The following SPAG16 variants were observed in gnomAD, a reference collection of about 807,000 sequenced individuals.
The protein encoded by SPAG16 is sperm associated antigen 16.
A neutral mutation model predicts 80.4 loss-of-function variants in SPAG16; 86 were observed. That is an observed-to-expected ratio of 1.07 (90% CI 0.90 to 1.28). The LOEUF (loss-of-function observed/expected upper bound fraction) is 1.28, where lower values mean the gene tolerates loss of function less well. SPAG16 is among the 50% of genes most tolerant of loss of function. SPAG16 has a pLI of 0.00. For synonymous variants in SPAG16, 294 were observed against 265.9 expected (o/e 1.11, Z -1.03); for missense variants, 870 against 765.3 (o/e 1.14, Z -1.61).
chr2:213,701,990 A>G (rs2065450608), intron 10 of SPAG16, among the ~76,000 whole-genome samples: 1 of 152,194 alleles, frequency 6.6e-6, no homozygotes, highest in African/African-American at 2.4e-5. Context: ...TAAATGCACC[A>G]ATCAGCACTT....
At chr2:214,336,627 T>C (rs986029325) in intron 15 of SPAG16, among the ~76,000 whole-genome samples, 5 of 152,042 alleles carry the variant, frequency 3.3e-5, no homozygotes, top group Non-Finnish European at 1.5e-5. Flanking sequence ...TTAAAGATGA[T>C]ATAAATGTAG....
chr2:213,967,568 A>G (rs1302755468), intron 12 of SPAG16, among the ~76,000 whole-genome samples: 1 of 152,206 alleles, frequency 6.6e-6, no homozygotes, highest in Admixed American at 6.5e-5. Context: ...TAAAGAGCTC[A>G]ATACAGAAAA....
chr2:213,437,700 A>G (rs2070724881), intron 9 of SPAG16, among the ~76,000 whole-genome samples: 3 of 152,072 alleles, frequency 2.0e-5, no homozygotes, highest in African/African-American at 7.2e-5. Context: ...TTTTAAAAAC[A>G]TACTCAGAGA....
chr2:213,468,712 G>GTA (rs1325448686), intron 9 of SPAG16, among the ~76,000 whole-genome samples: 3 of 147,604 alleles, frequency 2.0e-5, no homozygotes, highest in African/African-American at 2.5e-5. Flanking sequence ...ATATATCTGT[G>GTA]TATATATATG....
intron 10 of SPAG16, among the ~76,000 whole-genome samples, chr2:213,851,000 C>G (rs1004735415): frequency 1.3e-5 from 2 of 151,938 alleles, no homozygotes; most frequent in Non-Finnish European, 2.9e-5. Context: ...AATTTAATCA[C>G]AGTTAGCTAA....
chr2:213,702,510 G>A (rs575905254), intron 10 of SPAG16, among the ~76,000 whole-genome samples: 43 of 152,166 alleles, frequency 2.8e-4, no homozygotes, highest in Non-Finnish European at 6.0e-4. Flanking sequence ...CCATCTTTAA[G>A]AACTGTAACG....
At chr2:213,387,507 TGCAGTGGC>T in intron 9 of SPAG16, among the ~76,000 whole-genome samples, 1 of 7,910 alleles carries the variant, frequency 1.3e-4, no homozygotes, top group African/African-American at 2.5e-4. Context: ...CAGTGTGGAG[TGCAGTGGC>T]GGGATCTCGG....
chr2:214,242,553 C>T lies in SPAG16; in HGVS notation c.1720+93287C>T, dbSNP rs116182228. ...CAGTAAGAAGTCTCTCAACTCTAGT[C>T]ATTGAATCTACCAAAATATTTTGTT... On this transcript the variant is annotated intron_variant, in intron 15 of 15. Coordinates refer to ENST00000331683, the MANE Select transcript of SPAG16 (RefSeq NM_024532.5). Among the ~76,000 whole-genome samples the T allele has an allele frequency of 5.0e-3, 755 of 152,126 alleles. 5 individuals carry two copies. Among genetic ancestry groups the T allele is most frequent in the African/African-American group, 0.017 (714 of 41,482 alleles).
chr2:214,044,881 T>C (rs900576916), intron 13 of SPAG16, among the ~76,000 whole-genome samples: 1 of 152,098 alleles, frequency 6.6e-6, no homozygotes, highest in Admixed American at 6.6e-5. Flanking sequence ...ATCCCAGTGG[T>C]TGGAATTTGA....
At chr2:214,150,881 T>C (rs1459452255) in intron 15 of SPAG16, among the ~76,000 whole-genome samples, 1 of 152,176 alleles carries the variant, frequency 6.6e-6, no homozygotes, top group Non-Finnish European at 1.5e-5. Context: ...TACAGGTCAG[T>C]GTGATTTTAA....
At chr2:213,411,632 A>G (rs933932546) in intron 9 of SPAG16, among the ~76,000 whole-genome samples, 12 of 152,252 alleles carry the variant, frequency 7.9e-5, no homozygotes, top group Admixed American at 1.3e-4. Flanking sequence ...GTTAGCCGGT[A>G]ACTCAGGGGT....
intron 15 of SPAG16, among the ~76,000 whole-genome samples, chr2:214,333,937 T>C (rs572777049): frequency 1.4e-4 from 21 of 152,344 alleles, no homozygotes; most frequent in African/African-American, 5.1e-4. Flanking sequence ...TTTTACTCAG[T>C]CTTCCAAGAA....
chr2:214,255,493 A>G (rs1690614019), intron 15 of SPAG16, among the ~76,000 whole-genome samples: 1 of 151,980 alleles, frequency 6.6e-6, no homozygotes, highest in Non-Finnish European at 1.5e-5. Flanking sequence ...TTATGTTTTG[A>G]TGCATTTAAA....
intron 15 of SPAG16, among the ~76,000 whole-genome samples, chr2:214,306,849 T>C (rs1694951779): frequency 6.6e-6 from 1 of 152,102 alleles, no homozygotes; most frequent in African/African-American, 2.4e-5. Context: ...TGTTTTGTTT[T>C]TGTTATTGTA....
At chr2:214,234,719 C>G (rs1688957956) in intron 15 of SPAG16, among the ~76,000 whole-genome samples, 1 of 152,070 alleles carries the variant, frequency 6.6e-6, no homozygotes, top group Non-Finnish European at 1.5e-5. Context: ...CCTTTGCCCA[C>G]TTTTGAATGG....
intron 10 of SPAG16, among the ~76,000 whole-genome samples, chr2:213,708,840 A>G (rs1349529652): frequency 6.6e-6 from 1 of 152,172 alleles, no homozygotes; most frequent in African/African-American, 2.4e-5. Context: ...GTTAAATGGC[A>G]AGTGAGTGGA....
intron 12 of SPAG16, among the ~76,000 whole-genome samples, chr2:214,013,731 A>G (rs989283424): frequency 1.3e-5 from 2 of 152,232 alleles, no homozygotes; most frequent in African/African-American, 2.4e-5. Flanking sequence ...AAGTGATTCC[A>G]TAAATTGAAG....
chr2:214,151,987 C>T (rs573004971), intron 15 of SPAG16, among the ~76,000 whole-genome samples: 46 of 152,168 alleles, frequency 3.0e-4, no homozygotes, highest in African/African-American at 7.9e-4. Flanking sequence ...TTAAGGGTGT[C>T]TCAAGGTTGT....
intron 12 of SPAG16, among the ~76,000 whole-genome samples, chr2:213,997,252 A>G (rs2046566893): frequency 6.6e-6 from 1 of 152,212 alleles, no homozygotes; most frequent in Non-Finnish European, 1.5e-5. Flanking sequence ...AAAGAAAATA[A>G]TAGACATACC....
Sources: allele counts gnomAD v4.1 joint callset (sites outside exome capture counted in the v4.1 genomes callset), GRCh38; gene constraint gnomAD v4.1.1; transcripts MANE v1.5; gene names NCBI Gene and HGNC (gene_info 2026-07-23, HGNC 2026-07-21).